The following CAMK1D variants were observed in gnomAD, a reference collection of about 807,000 sequenced individuals.
CAMK1D encodes calcium/calmodulin-dependent protein kinase type 1D.
CAMK1D carries 9 observed loss-of-function variants against 47.7 expected under a neutral mutation model. The observed-to-expected ratio is 0.19, with a 90% CI of 0.11 to 0.33. The LOEUF is 0.33. Ranked by LOEUF, CAMK1D falls within the 10% of genes least tolerant of loss-of-function variation. CAMK1D has a pLI of 1.00. For missense variants in CAMK1D, 291 were observed against 488.7 expected, an observed-to-expected ratio of 0.60 and a Z score of 3.81; for synonymous variants, 184 against 184.9, an observed-to-expected ratio of 0.99 and a Z score of 0.04.
At chr10:12,541,732 C>G (rs1269442557) in intron 1 of CAMK1D, among the ~76,000 whole-genome samples, 1 of 152,112 alleles carries the variant, frequency 6.6e-6, no homozygotes, top group East Asian at 1.9e-4. Flanking sequence ...ACAGGTTTTT[C>G]TGTTTGAAGA....
At chr10:12,516,054 G>A (rs1302497683) in intron 1 of CAMK1D, among the ~76,000 whole-genome samples, 1 of 152,162 alleles carries the variant, frequency 6.6e-6, no homozygotes, top group Non-Finnish European at 1.5e-5. Context: ...CCATTGTATG[G>A]TGGTGAAGGG....
chr10:12,362,126 G>A (rs1218129304), intron 1 of CAMK1D, among the ~76,000 whole-genome samples: 1 of 152,178 alleles, frequency 6.6e-6, no homozygotes, highest in Non-Finnish European at 1.5e-5. Flanking sequence ...CCATTTTGAA[G>A]TGTGCAGTTC....
At position 12,462,330 on chromosome 10, in the gene CAMK1D, T is replaced by C. The variant is rs541735036; in HGVS notation, c.93-90895T>C. Among the ~76,000 whole-genome samples, 5 of 151,938 alleles carry C rather than the reference T, an allele frequency of 3.3e-5. No homozygotes were observed. In the South Asian group the frequency reaches 8.3e-4, roughly 25 times the overall value. On this transcript the variant is annotated intron_variant, in intron 1 of 10. Transcript: ENST00000619168. The stretch of plus-strand genomic sequence containing the variant: ...ACGGGCACGCGCCACCGTGGCCAGC[T>C]AATGTTTGTATTTTTAGTAGAGACA...
rs1291708180 is a variant in CAMK1D at position 12,827,472 on chromosome 10, G to GTCTGTCTTTCTT, written c.1040-1294_1040-1293insGTCTTTCTTTCT. 1.6e-3 allele frequency among the ~76,000 whole-genome samples: 8 copies of GTCTGTCTTTCTT among 5,098 alleles called. 3 individuals carry two copies. Among genetic ancestry groups the GTCTGTCTTTCTT allele is most frequent in the Non-Finnish European group, 2.9e-3 (6 of 2,086 alleles). The allele number at this position is 5,098 out of a possible 152,430, so 3.3% of individuals were successfully genotyped here. A position where few individuals can be genotyped will look rare whatever the true frequency, so the allele number is the denominator to read the frequency against. On this transcript the variant is annotated intron_variant, in intron 10 of 10. Coordinates refer to ENST00000619168, the MANE Select transcript of CAMK1D (RefSeq NM_153498.4). ...CTTTCTTTTCTTTCTTTGTCTGTCT[G>GTCTGTCTTTCTT]TCTTTCTTTCTTTCTTTCTTTCTTT...
intron 2 of CAMK1D, among the ~76,000 whole-genome samples, chr10:12,576,809 T>G (rs981413793): frequency 2.0e-5 from 3 of 152,192 alleles, no homozygotes; most frequent in Non-Finnish European, 2.9e-5. Flanking sequence ...GACTCGGCTC[T>G]GTATTTCTAG....
At chr10:12,535,315 C>T (rs1835935142) in intron 1 of CAMK1D, among the ~76,000 whole-genome samples, 1 of 152,228 alleles carries the variant, frequency 6.6e-6, no homozygotes, top group South Asian at 2.1e-4. Context: ...ACTCTCTGTT[C>T]TGAAGTGACT....
intron 1 of CAMK1D, among the ~76,000 whole-genome samples, chr10:12,533,740 T>C (rs1835879983): frequency 6.6e-6 from 1 of 152,222 alleles, no homozygotes; most frequent in Non-Finnish European, 1.5e-5. Flanking sequence ...TGTTCTGACA[T>C]GGCATAAATA....
intron 1 of CAMK1D, among the ~76,000 whole-genome samples, chr10:12,399,949 A>T (rs1487563072): frequency 1.3e-5 from 2 of 152,166 alleles, no homozygotes; most frequent in Admixed American, 1.3e-4. Flanking sequence ...CATAAAGCAA[A>T]GTTCTATATT....
At chr10:12,757,467 C>T (rs79319003) in intron 3 of CAMK1D, among the ~76,000 whole-genome samples, 8 of 152,262 alleles carry the variant, frequency 5.3e-5, no homozygotes, top group African/African-American at 1.9e-4. Flanking sequence ...AAAAAAACCT[C>T]TCAGTCAGCT....
At chr10:12,436,448 A>G (rs530577085) in intron 1 of CAMK1D, among the ~76,000 whole-genome samples, 2 of 152,206 alleles carry the variant, frequency 1.3e-5, no homozygotes, top group Admixed American at 6.5e-5. Context: ...AGCTGGTCGG[A>G]GGCATTATTC....
chr10:12,501,410 T>G (rs2132140837), intron 1 of CAMK1D, among the ~76,000 whole-genome samples: 1 of 152,312 alleles, frequency 6.6e-6, no homozygotes, highest in East Asian at 1.9e-4. Context: ...TCTGCTTACC[T>G]GGGGCGTGAG....
intron 2 of CAMK1D, among the ~76,000 whole-genome samples, chr10:12,565,796 C>T (rs151124435): frequency 3.7e-4 from 56 of 152,108 alleles, no homozygotes; most frequent in African/African-American, 1.2e-3. Flanking sequence ...GAGGAAGTTA[C>T]CCAGGTCTGT....
Position 12,694,197 on chromosome 10 carries a change from T to TTATATATTATATATAATATAAAA in CAMK1D, c.299+27397_299+27398insATATAATATAAAATATATATTAT, listed in dbSNP as rs1564498427. Among the ~76,000 whole-genome samples the TTATATATTATATATAATATAAAA allele has an allele frequency of 1.3e-3, 4 of 3,182 alleles. 2 individuals carry two copies. Among genetic ancestry groups the TTATATATTATATATAATATAAAA allele is most frequent in the East Asian group, 0.011 (2 of 174 alleles). The allele number at this position is 3,182 out of a possible 152,430, so 2.1% of individuals were successfully genotyped here. A position where few individuals can be genotyped will look rare whatever the true frequency, so the allele number is the denominator to read the frequency against. On this transcript the variant is annotated intron_variant, in intron 3 of 10. Coordinates refer to ENST00000619168, the MANE Select transcript of CAMK1D (RefSeq NM_153498.4). ...TATATTATATATAATATAATATATA[T>TTATATATTATATATAATATAAAA]TATATATTATGTATAATATAAAATA...
chr10:12,651,820 C>G (rs1839976431), intron 2 of CAMK1D, among the ~76,000 whole-genome samples: 1 of 151,118 alleles, frequency 6.6e-6, no homozygotes. Context: ...GTTCTGTCGC[C>G]CAGGCTGGAG....
At chr10:12,367,966 G>A (rs1303024288) in intron 1 of CAMK1D, among the ~76,000 whole-genome samples, 1 of 152,132 alleles carries the variant, frequency 6.6e-6, no homozygotes, top group African/African-American at 2.4e-5. Flanking sequence ...GCCGAGGCGG[G>A]TGGATCACGA....
intron 2 of CAMK1D, among the ~76,000 whole-genome samples, chr10:12,621,207 C>T (rs963434353): frequency 1.3e-5 from 2 of 151,160 alleles, no homozygotes; most frequent in African/African-American, 4.8e-5. Flanking sequence ...TATAATGGGT[C>T]GAGTAGTCTT....
At chr10:12,383,239 A>G (rs11257756) in intron 1 of CAMK1D, among the ~76,000 whole-genome samples, 20,078 of 152,200 alleles carry the variant, frequency 0.13, 1,446 homozygotes, top group South Asian at 0.2. Context: ...AGATTTAAAT[A>G]AAATTAGAAT....
intron 1 of CAMK1D, among the ~76,000 whole-genome samples, chr10:12,397,226 A>G (rs1193616034): frequency 6.6e-6 from 1 of 152,170 alleles, no homozygotes; most frequent in Non-Finnish European, 1.5e-5. Flanking sequence ...TGTTTTTAAC[A>G]TAAGAGCTGA....
intron 1 of CAMK1D, among the ~76,000 whole-genome samples, chr10:12,469,123 G>C (rs1833676574): frequency 6.6e-6 from 1 of 152,038 alleles, no homozygotes; most frequent in Admixed American, 6.6e-5. Context: ...GAGAGGAGGG[G>C]GGCGGTGCTG....
Sources: allele counts gnomAD v4.1 joint callset (sites outside exome capture counted in the v4.1 genomes callset), GRCh38; gene constraint gnomAD v4.1.1; transcripts MANE v1.5; gene names NCBI Gene and HGNC (gene_info 2026-07-23, HGNC 2026-07-21).